Variants in STAP1 observed in about 807,000 individuals in gnomAD.
The protein encoded by STAP1 is signal transducing adaptor family member 1, also known as signal-transducing adaptor protein 1.
A neutral mutation model predicts 37.8 loss-of-function variants in STAP1; 30 were observed. The ratio of observed to expected loss-of-function variants is 0.79; its 90% CI spans 0.59 to 1.08. The LOEUF (loss-of-function observed/expected upper bound fraction) is 1.08, where lower values mean the gene tolerates loss of function less well. Ranked by LOEUF, STAP1 falls within the 50% of genes least tolerant of loss-of-function variation. STAP1 has a pLI of 0.00. For missense variants in STAP1, 357 were observed against 349.4 expected, an observed-to-expected ratio of 1.02 and a Z score of -0.17; for synonymous variants, 130 against 116.0, an observed-to-expected ratio of 1.12 and a Z score of -0.78.
intron 1 of STAP1, 39 bp downstream of exon 1, chr4:67,558,968 G>C: frequency 6.6e-7 from 1 of 1,510,744 alleles, no homozygotes; most frequent in Non-Finnish European, 8.9e-7. Context: ...TAAGACTTCT[G>C]TTTTAATTTA....
chr4:67,599,622 T>C (rs1313727594), intron 8 of STAP1, among the ~76,000 whole-genome samples: 1 of 151,798 alleles, frequency 6.6e-6, no homozygotes, highest in Non-Finnish European at 1.5e-5. Flanking sequence ...AAAGGTTTGT[T>C]GATTTTCTTT....
chr4:67,580,594 C>T (rs17631747), intron 4 of STAP1, among the ~76,000 whole-genome samples: 29,507 of 151,974 alleles, frequency 0.19, 3,225 homozygotes, highest in Middle Eastern at 0.29. Context: ...GCTAGGGTCA[C>T]GTACAAAAAA....
At chr4:67,589,813 T>C (rs75875046) in intron 6 of STAP1, among the ~76,000 whole-genome samples, 5,715 of 152,032 alleles carry the variant, frequency 0.038, 158 homozygotes, top group Non-Finnish European at 0.054. Context: ...ATCCTAATTT[T>C]TTTTTTTTTG....
chr4:67,577,616 T>C (rs1727753273), intron 4 of STAP1, among the ~76,000 whole-genome samples: 1 of 151,534 alleles, frequency 6.6e-6, no homozygotes, highest in Non-Finnish European at 1.5e-5. Flanking sequence ...TGTTTGAAAA[T>C]ACATTCCAAT....
intron 2 of STAP1, among the ~76,000 whole-genome samples, chr4:67,575,023 A>G (rs994295389): frequency 6.6e-6 from 1 of 152,190 alleles, no homozygotes; most frequent in African/African-American, 2.4e-5. Flanking sequence ...CCTTAAGAAC[A>G]TAGAGAACAG....
rs761994239 is a variant in STAP1 at position 67,558,800 on chromosome 4, A to G, written c.-10A>G. 1.2e-6 allele frequency: 2 copies of G among 1,607,980 alleles called. No homozygotes were observed. Among genetic ancestry groups the G allele is most frequent in the Non-Finnish European group, 1.7e-6 (2 of 1,178,134 alleles). The stretch of plus-strand genomic sequence containing the variant: ...GACGAGAAACCAAACCACACACCAA[A>G]GAGAGGGGTATGATGGCTAAGAAGC... On this transcript the variant is annotated 5_prime_UTR_variant, in exon 1 of 9. Transcript: ENST00000265404.
intron 8 of STAP1, among the ~76,000 whole-genome samples, chr4:67,596,133 G>A (rs1397910386): frequency 6.7e-6 from 1 of 148,792 alleles, no homozygotes; most frequent in African/African-American, 2.6e-5. Flanking sequence ...GACCTGGTAG[G>A]AGGCAATTGG....
In STAP1 at chr4:67,577,206, G is replaced by GAGAACAC; in HGVS notation, c.315_321dup (p.Ser108HisfsTer32). ...CTGTTTTTGTCTTCAACTTTAGACAGAGAACACAGAAAGTGGGGAAGAATG... is the reference window on the plus strand; with the variant it reads ...CTGTTTTTGTCTTCAACTTTAGACAGAGAACACAGAACACAGAAAGTGGGGAAGAATG... On this transcript the variant is annotated frameshift_variant, in exon 4 of 9. Transcript: ENST00000265404. LOFTEE classifies it high-confidence loss of function. 1.2e-6 allele frequency: 2 copies of GAGAACAC among 1,610,006 alleles called. No individual in the cohort carries two copies. The highest frequency in any genetic ancestry group is 2.2e-5 in the South Asian group (2 of 90,036).
chr4:67,586,234 G>A (rs972226341), intron 6 of STAP1, among the ~76,000 whole-genome samples: 1 of 152,132 alleles, frequency 6.6e-6, no homozygotes, highest in African/African-American at 2.4e-5. Context: ...TGAAGCAGGT[G>A]GATCATGAGG....
At position 67,593,300 on chromosome 4, in the gene STAP1, T is replaced by G; in HGVS notation, c.770T>G (p.Val257Gly). 1 of 1,613,556 alleles carries G rather than the reference T, an allele frequency of 6.2e-7. No individual in the cohort carries two copies. The highest frequency in any genetic ancestry group is 8.5e-7 in the Non-Finnish European group (1 of 1,179,766). The change falls in exon 8 of 9, where the codon GTG (valine) becomes GGG (glycine). Residue 257 changes from valine to glycine, a missense_variant. Transcript: ENST00000265404. ...CTTTTCAGTGTCATTGATTATTTTG[T>G]GAAGGAGACTCGAGGAAATTTAAGA... ...PNLFSVIDYF[V>G]KETRGNLRPF...
chr4:67,589,603 T>C (rs1444047611), intron 6 of STAP1, among the ~76,000 whole-genome samples: 1 of 152,202 alleles, frequency 6.6e-6, no homozygotes, highest in Non-Finnish European at 1.5e-5. Flanking sequence ...AATTAGTGTG[T>C]CATTCAAGCA....
rs139734926 is a variant in STAP1 at position 67,568,849 on chromosome 4, T to C, written c.121-2235T>C. Among the ~76,000 whole-genome samples the C allele has an allele frequency of 1.1e-3, 168 of 152,390 alleles. 3 individuals carry two copies. Among genetic ancestry groups the C allele is most frequent in the African/African-American group, 3.9e-3 (164 of 41,600 alleles). Reference sequence around the variant, plus strand: ...AGGTAGATATTATATGCTTTTCCTATGCTGGGCCCTTCACTGGTCCATCTG... The same window carrying C: ...AGGTAGATATTATATGCTTTTCCTACGCTGGGCCCTTCACTGGTCCATCTG... On this transcript the variant is annotated intron_variant, in intron 1 of 8. Transcript: ENST00000265404.
intron 6 of STAP1, among the ~76,000 whole-genome samples, chr4:67,588,472 C>CAT (rs1728046099): frequency 6.6e-6 from 1 of 151,888 alleles, no homozygotes; most frequent in Non-Finnish European, 1.5e-5. Context: ...TACAGTGGTG[C>CAT]GAGCTCGGCT....
At chr4:67,604,482 T>C (rs546182165) in intron 8 of STAP1, among the ~76,000 whole-genome samples, 6 of 152,210 alleles carry the variant, frequency 3.9e-5, no homozygotes, top group African/African-American at 1.2e-4. Context: ...ATTGGGTTTT[T>C]ATAGCTTTTC....
At chr4:67,561,511 C>A (rs1400614162) in intron 1 of STAP1, among the ~76,000 whole-genome samples, 1 of 152,028 alleles carries the variant, frequency 6.6e-6, no homozygotes, top group Non-Finnish European at 1.5e-5. Context: ...GAGCTTTTCC[C>A]CAGGAAAATG....
intron 6 of STAP1, among the ~76,000 whole-genome samples, chr4:67,589,809 A>AT (rs35601578): frequency 0.28 from 41,010 of 147,608 alleles, 6,270 homozygotes; most frequent in Non-Finnish European, 0.36. Flanking sequence ...GGGGATCCTA[A>AT]TTTTTTTTTT....
chr4:67,599,208 G>A (rs1322519357), intron 8 of STAP1, among the ~76,000 whole-genome samples: 1 of 151,922 alleles, frequency 6.6e-6, no homozygotes, highest in African/African-American at 2.4e-5. Context: ...TGTTATCAAG[G>A]TAATACTAGC....
Position 67,606,433 on chromosome 4 carries a change from T to C in STAP1, c.*76T>C, listed in dbSNP as rs1728451225. 4 of 1,284,812 alleles carry C rather than the reference T, an allele frequency of 3.1e-6. No homozygotes were observed. Among genetic ancestry groups the C allele is most frequent in the Non-Finnish European group, 4.3e-6 (4 of 920,680 alleles). 79.6% of individuals were successfully genotyped at this position (1,284,812 alleles called of 1,614,324 possible). A position where few individuals can be genotyped will look rare whatever the true frequency, so the allele number is the denominator to read the frequency against. ...ACGAAGTTCTTACTTTTAAAGAGAATTACCTATATTCTCCTGATACTGATT... is the reference window on the plus strand; with the variant it reads ...ACGAAGTTCTTACTTTTAAAGAGAACTACCTATATTCTCCTGATACTGATT... On this transcript the variant is annotated 3_prime_UTR_variant, in exon 9 of 9. Transcript: ENST00000265404.
At chr4:67,601,078 G>T (rs1454685005) in intron 8 of STAP1, among the ~76,000 whole-genome samples, 4 of 151,712 alleles carry the variant, frequency 2.6e-5, no homozygotes, top group African/African-American at 9.7e-5. Flanking sequence ...TTTTGTGAAG[G>T]TGATTTTCTC....
Sources: allele counts gnomAD v4.1 joint callset (sites outside exome capture counted in the v4.1 genomes callset), GRCh38; gene constraint gnomAD v4.1.1; transcripts MANE v1.5; gene names NCBI Gene and HGNC (gene_info 2026-07-23, HGNC 2026-07-21).